Variants in DNAH3 observed in about 807,000 individuals in gnomAD.
DNAH3 encodes the protein axonemal beta dynein heavy chain 3.
In DNAH3, 332 loss-of-function variants were observed where a neutral mutation model predicts 432.5. The observed-to-expected ratio is 0.77, with a 90% CI of 0.70 to 0.84. The LOEUF (loss-of-function observed/expected upper bound fraction) is 0.84. Among genes scored for constraint, DNAH3 ranks in the 40% least tolerant of loss-of-function variants. The probability of loss-of-function intolerance (pLI) is 0.00; values close to 1 mark genes in which losing one functional copy is unlikely to be tolerated. For synonymous variants in DNAH3, 1,956 were observed against 1,900.2 expected, an observed-to-expected ratio of 1.03 and a Z score of -0.76; for missense variants, 4,861 against 5,114.0, an observed-to-expected ratio of 0.95 and a Z score of 1.51.
At chr16:21,075,480 G>A (rs753342631) in exon 21 of DNAH3, 7 of 1,614,054 alleles carry the variant, frequency 4.3e-6, no homozygotes, top group East Asian at 2.2e-5. Context: ...TGAACGTCAC[G>A]TTAACCCAAT....
At chr16:20,963,777 G>A in exon 53 of DNAH3, 1 of 1,614,046 alleles carries the variant, frequency 6.2e-7, no homozygotes, top group Non-Finnish European at 8.5e-7. Context: ...AGAGTAGCTT[G>A]TCCTTCTCAA....
intron 16 of DNAH3, among the ~76,000 whole-genome samples, chr16:21,101,402 A>C (rs1455954050): frequency 1.3e-5 from 2 of 152,204 alleles, no homozygotes; most frequent in Non-Finnish European, 2.9e-5. Flanking sequence ...TATTTCATAT[A>C]AATAAATTCC....
chr16:21,159,445 C>G (rs777632528), upstream of DNAH3: 1 of 1,613,496 alleles, frequency 6.2e-7, no homozygotes, highest in Admixed American at 1.7e-5. Context: ...CTCCCATCCC[C>G]CAACCAGAGA....
intron 23 of DNAH3, among the ~76,000 whole-genome samples, chr16:21,067,887 T>C (rs2152759864): frequency 6.6e-6 from 1 of 151,744 alleles, no homozygotes; most frequent in East Asian, 1.9e-4. Flanking sequence ...GGGTTCTAGA[T>C]CCATCTTTTG....
chr16:21,018,953 C>A (rs149478251), intron 41 of DNAH3, among the ~76,000 whole-genome samples: 2 of 151,706 alleles, frequency 1.3e-5, no homozygotes, highest in South Asian at 2.1e-4. Context: ...GTACCCTATA[C>A]GAAGGCATGT....
In DNAH3 at chr16:21,085,534, A is replaced by G. The variant is rs1220528244; in HGVS notation, c.2877+1315T>C. The stretch of plus-strand genomic sequence containing the variant: ...CACAGTGAGATTCCACCTCAAAAAA[A>G]AAAAAAAAAAAAAAGAAAAACAGAG... On this transcript the variant is annotated intron_variant, in intron 19 of 61. Transcript: ENST00000261383. Among the ~76,000 whole-genome samples, 15 of 151,412 alleles carry G rather than the reference A, an allele frequency of 9.9e-5. No individual in the cohort carries two copies. In the East Asian group the frequency reaches 2.9e-3, roughly 30 times the overall value.
At chr16:21,019,942 CT>C (rs1482818658) in intron 40 of DNAH3, 73 bp from the exon 41 acceptor site, 39 of 1,565,476 alleles carry the variant, frequency 2.5e-5, no homozygotes, top group Non-Finnish European at 3.4e-5. Flanking sequence ...AACTGGTTGG[CT>C]TTGCCTTTGA....
intron 41 of DNAH3, among the ~76,000 whole-genome samples, chr16:21,006,483 T>A (rs1323171659): frequency 6.6e-6 from 1 of 152,122 alleles, no homozygotes; most frequent in Non-Finnish European, 1.5e-5. Flanking sequence ...ATTACCACAA[T>A]CAACTTTAGA....
intron 24 of DNAH3, among the ~76,000 whole-genome samples, chr16:21,066,421 G>A (rs2090553142): frequency 6.6e-6 from 1 of 152,056 alleles, no homozygotes; most frequent in African/African-American, 2.4e-5. Context: ...AGGCTGGAGT[G>A]CACTGGTGCA....
intron 39 of DNAH3, among the ~76,000 whole-genome samples, chr16:21,023,856 C>T (rs1431738137): frequency 6.6e-6 from 1 of 151,274 alleles, no homozygotes; most frequent in Non-Finnish European, 1.5e-5. Context: ...TATGTACTTG[C>T]ACTTTACATA....
chr16:20,981,334 G>A (rs112163618), intron 49 of DNAH3, among the ~76,000 whole-genome samples: 1 of 152,122 alleles, frequency 6.6e-6, no homozygotes, highest in Non-Finnish European at 1.5e-5. Context: ...CAGGTTAAGG[G>A]TCTTCTGGTC....
In DNAH3 at chr16:20,963,264, C is replaced by T; in HGVS notation, c.10600+20G>A. On this transcript the variant is annotated intron_variant, in intron 53 of 61. Transcript: ENST00000261383. ...ACATACTGGGCTTTCCACGTCTCTCCCACAACACTCTGTTCTTACCTGCCA... is the reference window on the plus strand; with the variant it reads ...ACATACTGGGCTTTCCACGTCTCTCTCACAACACTCTGTTCTTACCTGCCA... 1 of 1,605,772 alleles carries T rather than the reference C, an allele frequency of 6.2e-7. No homozygotes were observed. Among genetic ancestry groups the T allele is most frequent in the Non-Finnish European group, 8.5e-7 (1 of 1,174,736 alleles).
intron 9 of DNAH3, 90 bp downstream of exon 10, chr16:21,125,085 C>T (rs2092419933): frequency 1.8e-6 from 2 of 1,082,084 alleles, no homozygotes; most frequent in Non-Finnish European, 2.6e-6. Flanking sequence ...CCCTGGCTCA[C>T]AGCTGAGGAC....
chr16:20,957,632 G>C (rs889369705), intron 54 of DNAH3, among the ~76,000 whole-genome samples: 4 of 151,662 alleles, frequency 2.6e-5, no homozygotes, highest in Non-Finnish European at 5.9e-5. Flanking sequence ...GACCAACATG[G>C]AGAAACCCCA....
chr16:20,964,958 C>T (rs2084987577), exon 53 of DNAH3: 1 of 1,614,142 alleles, frequency 6.2e-7, no homozygotes, highest in Non-Finnish European at 8.5e-7. Context: ...TCCTTCTCTC[C>T]CCCAAGACCA....
At chr16:21,016,486 T>G (rs552312335) in intron 41 of DNAH3, among the ~76,000 whole-genome samples, 1 of 152,312 alleles carries the variant, frequency 6.6e-6, no homozygotes, top group South Asian at 2.1e-4. Context: ...ATGGCTATTA[T>G]CAGTAAAACA....
At chr16:21,035,103 G>GTCTCTCTT (rs2089097786) in intron 35 of DNAH3, among the ~76,000 whole-genome samples, 1 of 152,176 alleles carries the variant, frequency 6.6e-6, no homozygotes, top group African/African-American at 2.4e-5. Context: ...AAGGTGGGGG[G>GTCTCTCTT]ATCATTTGAG....
chr16:20,963,951 C>T (rs1567538193), exon 53 of DNAH3: 1 of 1,614,100 alleles, frequency 6.2e-7, no homozygotes. Context: ...CGATGTTGGC[C>T]AGGTCCGAGA....
chr16:21,138,441 C>G (rs952298373), intron 5 of DNAH3, among the ~76,000 whole-genome samples: 1 of 152,152 alleles, frequency 6.6e-6, no homozygotes, highest in Non-Finnish European at 1.5e-5. Flanking sequence ...CCTCCTCAGG[C>G]AGTTAGGGTG....
Sources: gnomAD v4.1 joint callset for allele counts (sites outside exome capture counted in the v4.1 genomes callset) on GRCh38, gnomAD v4.1.1 for gene constraint, MANE v1.5 for transcripts, NCBI Gene and HGNC (gene_info 2026-07-23, HGNC 2026-07-21) for gene names.